PLEKHB1: variants seen among roughly 807,000 people sequenced by gnomAD.
The protein encoded by PLEKHB1 is pleckstrin homology domain-containing family B member 1.
PLEKHB1 carries 29 observed loss-of-function variants against 36.2 expected under a neutral mutation model. The ratio of observed to expected loss-of-function variants is 0.80; its 90% CI spans 0.60 to 1.09. The LOEUF is 1.09. Among genes scored for constraint, PLEKHB1 ranks in the 50% least tolerant of loss-of-function variants. The probability of loss-of-function intolerance (pLI) is 0.00; values close to 1 mark genes in which losing one functional copy is unlikely to be tolerated. For missense variants in PLEKHB1, 330 were observed against 348.2 expected (o/e 0.95, Z 0.42); for synonymous variants, 138 against 140.0 (o/e 0.99, Z 0.10).
rs760902620 is a variant in PLEKHB1, at chr11:73,650,580, AC to A, written c.123del (p.Trp42GlyfsTer34). The stretch of plus-strand genomic sequence containing the variant: ...TCCATCCTCCGCCGCTGGAAGCGGA[AC>A]TGGTTTGCCCTGTGGCTGGACGGGA... ...QSSILRRWKR[N>X]WFALWLDGTL... On this transcript the variant is annotated frameshift_variant, in exon 3 of 8. Transcript: ENST00000354190. LOFTEE classifies it high-confidence loss of function. 2 of 1,613,102 alleles carry A rather than the reference AC, an allele frequency of 1.2e-6. No individual in the cohort carries two copies. Among genetic ancestry groups the A allele is most frequent in the Admixed American group, 3.3e-5 (2 of 59,914 alleles).
At chr11:73,653,155 A>T (rs1944931951) in intron 5 of PLEKHB1, 141 bp downstream of exon 5, 1 of 875,490 alleles carries the variant, frequency 1.1e-6, no homozygotes, top group African/African-American at 1.7e-5. Flanking sequence ...CCTGAGTCCC[A>T]AGTGTTCGGG....
intron 6 of PLEKHB1, among the ~76,000 whole-genome samples, chr11:73,656,539 A>G (rs2134820493): frequency 6.6e-6 from 1 of 152,258 alleles, no homozygotes; most frequent in South Asian, 2.1e-4. Context: ...TTATAGCAAT[A>G]CTACTACATA....
At position 73,661,543 on chromosome 11, in the gene PLEKHB1, G is replaced by T; in HGVS notation, c.673G>T (p.Ala225Ser). 3 of 1,610,664 alleles carry T rather than the reference G, an allele frequency of 1.9e-6. No individual in the cohort carries two copies. Among genetic ancestry groups the T allele is most frequent in the Non-Finnish European group, 2.5e-6 (3 of 1,178,210 alleles). ...AGAPLAMGML[A>S]GAATGAALGS... The stretch of plus-strand genomic sequence containing the variant: ...CGCCCCTCTGGCCATGGGCATGCTT[G>T]CGGGAGCCGCCACTGGGGCGGCGCT... Residue 225 changes from alanine (A) to serine (S), a missense_variant, in exon 8 of 8, where the codon GCG (alanine) becomes TCG (serine). Coordinates refer to ENST00000354190, the MANE Select transcript of PLEKHB1 (RefSeq NM_021200.3). This position sits in a 1 kb window ranked among gnomAD's most constrained non-coding sequence, Gnocchi z 4.6.
chr11:73,647,660 G>C (rs1590786025), intron 1 of PLEKHB1: 46 of 985,492 alleles, frequency 4.7e-5, no homozygotes, highest in Non-Finnish European at 5.4e-5. Flanking sequence ...CACACAAAGC[G>C]CAGGCGCAGC....
intron 1 of PLEKHB1, chr11:73,647,779 C>G: frequency 1.0e-6 from 1 of 983,866 alleles, no homozygotes; most frequent in African/African-American, 1.7e-5. Context: ...GGAGTCTGCA[C>G]CTGACCCTCT....
chr11:73,647,760 G>A, intron 1 of PLEKHB1: 12 of 978,202 alleles, frequency 1.2e-5, no homozygotes, highest in South Asian at 4.8e-5. Context: ...AAGGGGAGGG[G>A]CTGGAAAAGG....
intron 2 of PLEKHB1, 66 bp downstream of exon 2, chr11:73,649,153 G>A (rs1944833800): frequency 6.5e-7 from 1 of 1,533,836 alleles, no homozygotes; most frequent in South Asian, 1.2e-5. Flanking sequence ...GCTTGCCACG[G>A]GGAACACTTC....
chr11:73,658,634 T>A (rs1945041945), intron 6 of PLEKHB1, among the ~76,000 whole-genome samples: 1 of 152,210 alleles, frequency 6.6e-6, no homozygotes, highest in Admixed American at 6.5e-5. Context: ...TTTCTTTTTT[T>A]GAGACAGGAT....
rs1266895660 is a variant in PLEKHB1, at chr11:73,661,333, TTC to T, written c.596-131_596-130del. On this transcript the variant is annotated intron_variant, in intron 7 of 7. Transcript: ENST00000354190. This position sits in a 1 kb window ranked among gnomAD's most constrained non-coding sequence, Gnocchi z 4.6. ...GGAGCTCTTCCCGCGTCTAGATCTGTTCTTTGACTGGGGAGCAGGAGAGTGGG... is the reference window on the plus strand; with the variant it reads ...GGAGCTCTTCCCGCGTCTAGATCTGTTTTGACTGGGGAGCAGGAGAGTGGG... The T allele has an allele frequency of 2.0e-6, 2 of 1,024,464 alleles. No individual in the cohort carries two copies. Among genetic ancestry groups the T allele is most frequent in the African/African-American group, 3.2e-5 (2 of 62,098 alleles). 63.5% of individuals were successfully genotyped at this position (1,024,464 alleles called of 1,614,324 possible).
intron 1 of PLEKHB1, among the ~76,000 whole-genome samples, chr11:73,646,977 G>A (rs1021944502): frequency 7.9e-5 from 12 of 151,958 alleles, no homozygotes; most frequent in Admixed American, 3.9e-4. Flanking sequence ...CAAGCTCTCC[G>A]CCTGTCATGC....
rs906675705 is a variant in PLEKHB1 at position 73,662,056 on chromosome 11, T to G, written c.*454T>G. On this transcript the variant is annotated 3_prime_UTR_variant, in exon 8 of 8. Coordinates refer to ENST00000354190, the MANE Select transcript of PLEKHB1 (RefSeq NM_021200.3). Reference sequence around the variant, plus strand: ...TTATCAGTCCTTTGACAAGGACAGGTGGGGCAGGGAGCAAGACAGGTAGGC... The same window carrying G: ...TTATCAGTCCTTTGACAAGGACAGGGGGGGCAGGGAGCAAGACAGGTAGGC... 6.3e-6 allele frequency: 1 copy of G among 157,608 alleles called. No homozygotes were observed. Among genetic ancestry groups the G allele is most frequent in the Non-Finnish European group, 1.4e-5 (1 of 71,694 alleles). 9.8% of individuals were successfully genotyped at this position (157,608 alleles called of 1,614,324 possible). A position where few individuals can be genotyped will look rare whatever the true frequency, so the allele number is the denominator to read the frequency against.
intron 6 of PLEKHB1, 64 bp from the exon 7 acceptor site, chr11:73,660,689 G>C (rs1945087284): frequency 6.8e-7 from 1 of 1,478,218 alleles, no homozygotes; most frequent in African/African-American, 1.4e-5. Context: ...TGCCAGGCGT[G>C]GGGGTAGGGG....
In PLEKHB1 at chr11:73,661,457, C is replaced by T. The variant is rs780068418; in HGVS notation, c.596-9C>T. ...GTCGCTGATCCTCATGGGCTGTCTC[C>T]CTCTGCAGGCCCTGGCGTGACGCAC... On this transcript the variant is annotated splice_polypyrimidine_tract_variant and intron_variant, in intron 7 of 7. Transcript: ENST00000354190. This position sits in a 1 kb window ranked among gnomAD's most constrained non-coding sequence, Gnocchi z 4.6. 6.8e-6 allele frequency: 11 copies of T among 1,613,614 alleles called. No individual in the cohort carries two copies. The highest frequency in any genetic ancestry group is 9.3e-6 in the Non-Finnish European group (11 of 1,179,716).
chr11:73,651,173 AACCC>A (rs1944883378), intron 3 of PLEKHB1, among the ~76,000 whole-genome samples: 1 of 151,710 alleles, frequency 6.6e-6, no homozygotes, highest in South Asian at 2.1e-4. Context: ...AACATGGCAA[AACCC>A]CGTCTCTACC....
At chr11:73,660,050 T>G (rs1056720761) in intron 6 of PLEKHB1, among the ~76,000 whole-genome samples, 4 of 152,212 alleles carry the variant, frequency 2.6e-5, no homozygotes, top group Non-Finnish European at 5.9e-5. Flanking sequence ...GGGCAATGCA[T>G]TACATTTTCT....
chr11:73,659,186 A>G (rs1328581855), intron 6 of PLEKHB1, among the ~76,000 whole-genome samples: 1 of 150,148 alleles, frequency 6.7e-6, no homozygotes, highest in African/African-American at 2.5e-5. Flanking sequence ...ATACCATGCC[A>G]TTGCACTCCA....
Position 73,661,129 on chromosome 11 carries a change from C to T in PLEKHB1, c.595+277C>T, listed in dbSNP as rs1945106947. Among the ~76,000 whole-genome samples, 1 of 152,224 alleles carries T rather than the reference C, an allele frequency of 6.6e-6. No individual in the cohort carries two copies. Among genetic ancestry groups the T allele is most frequent in the South Asian group, 2.1e-4 (1 of 4,830 alleles). On this transcript the variant is annotated intron_variant, in intron 7 of 7. Transcript: ENST00000354190. This position sits in a 1 kb window ranked among gnomAD's most constrained non-coding sequence, Gnocchi z 4.6. ...CGGTAGCGGCCCCTGGTGGCTACTGCGGGAATGCTGCCTCCTCCCCGCTCT... is the reference window on the plus strand; with the variant it reads ...CGGTAGCGGCCCCTGGTGGCTACTGTGGGAATGCTGCCTCCTCCCCGCTCT...
chr11:73,656,431 G>C (rs541606590), intron 6 of PLEKHB1, among the ~76,000 whole-genome samples: 1 of 152,346 alleles, frequency 6.6e-6, no homozygotes, highest in East Asian at 1.9e-4. Context: ...ATTAGTGCTC[G>C]ATGATGGGGA....
intron 6 of PLEKHB1, among the ~76,000 whole-genome samples, chr11:73,657,082 G>A (rs943432152): frequency 4.6e-5 from 7 of 152,120 alleles, no homozygotes; most frequent in Non-Finnish European, 1.0e-4. Flanking sequence ...GGACGTGGTT[G>A]CAGTGAACCA....
Sources: allele counts gnomAD v4.1 joint callset (sites outside exome capture counted in the v4.1 genomes callset), GRCh38; gene constraint gnomAD v4.1.1; non-coding constraint Gnocchi (gnomAD v3.1); transcripts MANE v1.5; gene names NCBI Gene and HGNC (gene_info 2026-07-23, HGNC 2026-07-21).